Variants in ZNF391 observed in about 807,000 individuals in gnomAD.
ZNF391 encodes the protein zinc finger protein 391.
For missense variants in ZNF391, 375 were observed against 425.5 expected (o/e 0.88, Z 1.04); for synonymous variants, 126 against 142.1 (o/e 0.89, Z 0.80).
At chr6:27,378,480 G>A (rs1761450236) in intron 1 of ZNF391, among the ~76,000 whole-genome samples, 1 of 152,144 alleles carries the variant, frequency 6.6e-6, no homozygotes, top group Admixed American at 6.5e-5. Flanking sequence ...CAGTGGGGGA[G>A]ATTTTTGAGC....
At position 27,401,441 on chromosome 6, in the gene ZNF391, A is replaced by G; in HGVS notation, c.1071A>G (p.Lys357=). 6.2e-7 allele frequency: 1 copy of G among 1,602,614 alleles called. No individual in the cohort carries two copies. The highest frequency in any genetic ancestry group is 8.5e-7 in the Non-Finnish European group (1 of 1,177,088). ...TCAGACATCAGCACCTTCATACTAA[A>G]GAGTAATATCTGAGCTTTTATTAAT... is the stretch of plus-strand genomic sequence containing the variant. ...TLIRHQHLHT[K]E Residue 357 remains lysine (K), a synonymous_variant, in exon 3 of 3, where the codon AAA becomes AAG. Transcript: ENST00000244576.
intron 1 of ZNF391, among the ~76,000 whole-genome samples, chr6:27,396,478 G>A (rs1027137256): frequency 8.5e-5 from 13 of 152,066 alleles, no homozygotes; most frequent in South Asian, 2.1e-4. Context: ...TAATCCCAGC[G>A]CTTTAGGAGG....
At chr6:27,384,582 G>A (rs1382431427), upstream of ZNF391, among the ~76,000 whole-genome samples, 5 of 151,492 alleles carry the variant, frequency 3.3e-5, no homozygotes. Context: ...TGACCTAAAA[G>A]TTTGCTCAAA....
At chr6:27,377,244 A>G (rs1274967063) in intron 1 of ZNF391, among the ~76,000 whole-genome samples, 4 of 152,166 alleles carry the variant, frequency 2.6e-5, no homozygotes, top group African/African-American at 4.8e-5. Flanking sequence ...GAAAGCAGAA[A>G]CCTCCTGTAG....
At chr6:27,381,418 C>G (rs1201949142) in intron 1 of ZNF391, among the ~76,000 whole-genome samples, 2 of 152,238 alleles carry the variant, frequency 1.3e-5, no homozygotes, top group Non-Finnish European at 2.9e-5. Flanking sequence ...CGCGCAGCCC[C>G]AGTTCCCGCT....
intron 1 of ZNF391, among the ~76,000 whole-genome samples, chr6:27,383,253 C>T (rs375810008): frequency 4.7e-5 from 7 of 149,614 alleles, no homozygotes; most frequent in African/African-American, 1.5e-4. Flanking sequence ...AGAAAGACAC[C>T]GAGAGAGACA....
chr6:27,394,112 C>T (rs1241660361), intron 1 of ZNF391, among the ~76,000 whole-genome samples: 1 of 152,134 alleles, frequency 6.6e-6, no homozygotes, highest in Non-Finnish European at 1.5e-5. Context: ...TTCAAGCAGG[C>T]CATGGAGCAA....
chr6:27,400,827 A>G lies in ZNF391; in HGVS notation c.457A>G (p.Ile153Val). The change falls in exon 3 of 3, where the codon ATT becomes GTT. Residue 153 changes from isoleucine to valine, a missense_variant. Coordinates refer to ENST00000244576, the MANE Select transcript of ZNF391 (RefSeq NM_001076781.3). The part of the protein sequence containing the change: ...GKSFSRSTHL[I>V]EHQRTHTGEK... ...ATCTTTCAGCCGAAGTACACACCTT[A>G]TTGAACATCAAAGAACTCACACTGG... The G allele has an allele frequency of 6.2e-7, 1 of 1,614,226 alleles. No homozygotes were observed. The highest frequency in any genetic ancestry group is 1.1e-5 in the South Asian group (1 of 91,086).
rs369902235 is a variant in ZNF391 at position 27,401,473 on chromosome 6, A to G, written c.*26A>G. The G allele has an allele frequency of 6.5e-7, 1 of 1,528,534 alleles. No individual in the cohort carries two copies. The highest frequency in any genetic ancestry group is 8.9e-7 in the Non-Finnish European group (1 of 1,126,864). The allele number at this position is 1,528,534 out of a possible 1,614,324, so 94.7% of individuals were successfully genotyped here. A position where few individuals can be genotyped will look rare whatever the true frequency, so the allele number is the denominator to read the frequency against. On this transcript the variant is annotated 3_prime_UTR_variant, in exon 3 of 3. Coordinates refer to ENST00000244576, the MANE Select transcript of ZNF391 (RefSeq NM_001076781.3). ...TATCTGAGCTTTTATTAATGTTAGC[A>G]TAAGAACACATATACCTAACCTCCC...
At chr6:27,389,783 A>G (rs1387237783) in intron 1 of ZNF391, among the ~76,000 whole-genome samples, 1 of 152,130 alleles carries the variant, frequency 6.6e-6, no homozygotes, top group Non-Finnish European at 1.5e-5. Context: ...CAGCGTAGGC[A>G]ACAAGAGTGA....
rs1761635212 is a variant in ZNF391, at chr6:27,388,946, T to A, written c.-317T>A. 2 of 456,418 alleles carry A rather than the reference T, an allele frequency of 4.4e-6. No homozygotes were observed. Among genetic ancestry groups the A allele is most frequent in the African/African-American group, 4.0e-5 (2 of 50,176 alleles). 28.3% of individuals were successfully genotyped at this position (456,418 alleles called of 1,614,324 possible). A position where few individuals can be genotyped will look rare whatever the true frequency, so the allele number is the denominator to read the frequency against. ...GCGGTTCGACGCATGGGTTTCTCTT[T>A]AATCCTTCCGACTTCCCCAAGCCCA... On this transcript the variant is annotated 5_prime_UTR_variant, in exon 1 of 3. The change creates a premature stop within an existing upstream ORF in the 5' untranslated region. Transcript: ENST00000244576.
At chr6:27,387,486 TTATG>T (rs1327413031), upstream of ZNF391, among the ~76,000 whole-genome samples, 3 of 152,204 alleles carry the variant, frequency 2.0e-5, no homozygotes, top group Non-Finnish European at 2.9e-5. Flanking sequence ...AAACAAAATA[TTATG>T]TATGTATATT....
In ZNF391 at chr6:27,402,148, T is replaced by G. The variant is rs1761986254; in HGVS notation, c.*701T>G. 6.6e-6 allele frequency: 1 copy of G among 152,258 alleles called. No individual in the cohort carries two copies. Among genetic ancestry groups the G allele is most frequent in the Non-Finnish European group, 1.5e-5 (1 of 68,042 alleles). The allele number at this position is 152,258 out of a possible 1,614,324, so 9.4% of individuals were successfully genotyped here. ...ATCCTAGTGTTATTTTATCATATTTTTACCAAGAATGTTCTAAAAATCTTG... is the reference window on the plus strand; with the variant it reads ...ATCCTAGTGTTATTTTATCATATTTGTACCAAGAATGTTCTAAAAATCTTG... On this transcript the variant is annotated 3_prime_UTR_variant, in exon 3 of 3. Transcript: ENST00000244576.
chr6:27,379,427 A>T (rs549627935), intron 1 of ZNF391, among the ~76,000 whole-genome samples: 1 of 152,346 alleles, frequency 6.6e-6, no homozygotes, highest in East Asian at 1.9e-4. Context: ...GAATAAATCA[A>T]GTTTTCCAGT....
At chr6:27,381,145 G>A (rs1219915163) in intron 1 of ZNF391, among the ~76,000 whole-genome samples, 3 of 152,240 alleles carry the variant, frequency 2.0e-5, no homozygotes, top group African/African-American at 4.8e-5. Context: ...GGCTTGGGCC[G>A]CACAGGAGCC....
rs1453560788 is a variant in ZNF391, at chr6:27,388,967, G to T, written c.-296G>T. On this transcript the variant is annotated 5_prime_UTR_variant, in exon 1 of 3. Transcript: ENST00000244576. ...TCTTTAATCCTTCCGACTTCCCCAA[G>T]CCCAGCGCACTCAGGTTCCGCTCCA... 4.4e-6 allele frequency: 2 copies of T among 456,376 alleles called. No homozygotes were observed. Among genetic ancestry groups the T allele is most frequent in the African/African-American group, 4.0e-5 (2 of 50,060 alleles). 28.3% of individuals were successfully genotyped at this position (456,376 alleles called of 1,614,324 possible). A position where few individuals can be genotyped will look rare whatever the true frequency, so the allele number is the denominator to read the frequency against.
chr6:27,381,180 C>A (rs1302652343), intron 1 of ZNF391, among the ~76,000 whole-genome samples: 1 of 152,250 alleles, frequency 6.6e-6, no homozygotes, highest in African/African-American at 2.4e-5. Context: ...GAGGCTCAGG[C>A]ATGGTGGGCT....
chr6:27,393,179 C>T (rs898114948), intron 1 of ZNF391, among the ~76,000 whole-genome samples: 3 of 152,182 alleles, frequency 2.0e-5, no homozygotes, highest in Non-Finnish European at 4.4e-5. Context: ...TTGCACTGTA[C>T]AGTATGATAT....
upstream of ZNF391, among the ~76,000 whole-genome samples, chr6:27,384,028 G>A (rs1761545325): frequency 1.3e-5 from 2 of 152,134 alleles, no homozygotes; most frequent in South Asian, 2.1e-4. Flanking sequence ...TCCTTCAAAA[G>A]TTGAGGAAAA....
Sources: gnomAD v4.1 joint callset for allele counts (sites outside exome capture counted in the v4.1 genomes callset) on GRCh38, gnomAD v4.1.1 for gene constraint, MANE v1.5 for transcripts, NCBI Gene and HGNC (gene_info 2026-07-23, HGNC 2026-07-21) for gene names.